The following CDK5RAP1 variants were observed in gnomAD, a reference collection of about 807,000 sequenced individuals.
CDK5RAP1 encodes mitochondrial tRNA methylthiotransferase CDK5RAP1.
A neutral mutation model predicts 64.5 loss-of-function variants in CDK5RAP1; 62 were observed. The ratio of observed to expected loss-of-function variants is 0.96; its 90% CI spans 0.78 to 1.19. CDK5RAP1 has a LOEUF of 1.19. Ranked by LOEUF, CDK5RAP1 falls within the 50% of genes most tolerant of loss-of-function variation. The pLI, the probability that CDK5RAP1 is intolerant of heterozygous loss-of-function variation, is 0.00. For synonymous variants in CDK5RAP1, 250 were observed against 261.9 expected (o/e 0.95, Z 0.44); for missense variants, 657 against 735.0 (o/e 0.89, Z 1.23).
Position 33,394,033 on chromosome 20 carries a change from T to TGATA in CDK5RAP1, c.438_441dup (p.Arg148TyrfsTer6). 1 of 1,593,132 alleles carries TGATA rather than the reference T, an allele frequency of 6.3e-7. No homozygotes were observed. Among genetic ancestry groups the TGATA allele is most frequent in the Non-Finnish European group, 8.6e-7 (1 of 1,160,812 alleles). ...CCTAGGAAAAGAACAAATTCGCACCTGATAGAGCATGTGACAAGGAGAATC... is the reference window on the plus strand; with the variant it reads ...CCTAGGAAAAGAACAAATTCGCACCTGATAGATAGAGCATGTGACAAGGAGAATC... On this transcript the variant is annotated frameshift_variant and splice_region_variant, in exon 4 of 14. Transcript: ENST00000346416. LOFTEE classifies it high-confidence loss of function.
chr20:33,365,683 C>T (rs986429072), intron 12 of CDK5RAP1, among the ~76,000 whole-genome samples: 6 of 150,478 alleles, frequency 4.0e-5, no homozygotes. Context: ...CTCTGCCACA[C>T]ACTAGCTGTG....
At chr20:33,383,299 G>A (rs958399133) in intron 7 of CDK5RAP1, among the ~76,000 whole-genome samples, 5 of 151,382 alleles carry the variant, frequency 3.3e-5, no homozygotes, top group East Asian at 4.0e-4. Flanking sequence ...TTTGAAATAC[G>A]TTTTCAATAA....
At chr20:33,383,895 T>A (rs1321819543) in intron 7 of CDK5RAP1, among the ~76,000 whole-genome samples, 3 of 151,448 alleles carry the variant, frequency 2.0e-5, no homozygotes, top group African/African-American at 4.9e-5. Context: ...CAAAAAAAAA[T>A]AAAAAATAAA....
chr20:33,373,263 G>A lies in CDK5RAP1; in HGVS notation c.1206-566C>T, dbSNP rs996998759. 3.1e-4 allele frequency: 45 copies of A among 147,320 alleles called. 1 individual carries two copies. The Middle Eastern group carries it at 0.011, about 35-fold the overall frequency. The allele number at this position is 147,320 out of a possible 1,614,324, so 9.1% of individuals were successfully genotyped here. A position where few individuals can be genotyped will look rare whatever the true frequency, so the allele number is the denominator to read the frequency against. On this transcript the variant is annotated intron_variant, in intron 9 of 13. Transcript: ENST00000346416. Reference sequence around the variant, plus strand: ...GTGTGTAGGGACTGGGTTTCACCATGTTGCCCAGGTGTGTGTTTGTGTGTG... The same window carrying A: ...GTGTGTAGGGACTGGGTTTCACCATATTGCCCAGGTGTGTGTTTGTGTGTG...
At chr20:33,397,539 G>A (rs1205647104) in intron 1 of CDK5RAP1, among the ~76,000 whole-genome samples, 2 of 152,220 alleles carry the variant, frequency 1.3e-5, no homozygotes, top group African/African-American at 4.8e-5. Flanking sequence ...ATAAAAATCT[G>A]TATGGATGCA....
intron 1 of CDK5RAP1, 149 bp downstream of exon 1, chr20:33,401,279 C>T (rs1989388751): frequency 2.0e-6 from 1 of 510,950 alleles, no homozygotes; most frequent in African/African-American, 2.1e-5. Context: ...GGTACGAACC[C>T]CTACAGCCTG....
chr20:33,384,615 A>T (rs1222011464), intron 7 of CDK5RAP1, among the ~76,000 whole-genome samples: 1 of 152,148 alleles, frequency 6.6e-6, no homozygotes, highest in African/African-American at 2.4e-5. Context: ...GAACTAGAGC[A>T]GGGAGGCCAG....
chr20:33,361,978 AAGGAAG>A (rs1224475987), intron 12 of CDK5RAP1, among the ~76,000 whole-genome samples: 3 of 140,016 alleles, frequency 2.1e-5, no homozygotes, highest in Admixed American at 7.2e-5. Context: ...AAAAAAAAGG[AAGGAAG>A]GGAGAGAGGG....
chr20:33,380,382 T>C (rs565952289), intron 7 of CDK5RAP1, among the ~76,000 whole-genome samples: 36 of 152,184 alleles, frequency 2.4e-4, no homozygotes, highest in African/African-American at 7.7e-4. Context: ...TTTTTACTTT[T>C]GTAGAGATGG....
intron 9 of CDK5RAP1, 43 bp from the exon 10 acceptor site, chr20:33,372,740 C>T (rs748167998): frequency 1.6e-6 from 2 of 1,282,372 alleles, no homozygotes; most frequent in East Asian, 2.3e-5. Flanking sequence ...TAAATCCAAC[C>T]TTTTTAAATG....
intron 7 of CDK5RAP1, among the ~76,000 whole-genome samples, chr20:33,382,030 C>A (rs1374208280): frequency 6.6e-6 from 1 of 152,076 alleles, no homozygotes; most frequent in African/African-American, 2.4e-5. Flanking sequence ...GTAATAGAGA[C>A]AGCAGCTCCC....
chr20:33,398,892 C>CTCCAGCCTGGG (rs1339868655), intron 1 of CDK5RAP1, among the ~76,000 whole-genome samples: 6 of 152,088 alleles, frequency 3.9e-5, no homozygotes, highest in African/African-American at 1.2e-4. Flanking sequence ...CACCACTGCA[C>CTCCAGCCTGGG]TCCAGCCTGG....
At position 33,396,947 on chromosome 20, in the gene CDK5RAP1, T is replaced by C. The variant is rs1288549954; in HGVS notation, c.118A>G (p.Met40Val). Residue 40 changes from methionine (M) to valine (V), a missense_variant, in exon 2 of 14, where the codon ATG becomes GTG. Physicochemically the swap from Met to Val is conservative, Grantham distance 21. Coordinates refer to ENST00000346416, the MANE Select transcript of CDK5RAP1 (RefSeq NM_016408.4). ...CRAHSSLSST[M>V]CPSPERQEDG... Reference sequence around the variant, plus strand: ...TCCTGCCTCTCTGGACTGGGACACATGGTACTAGAGAGACTGCTGTGTGCC... The same window carrying C: ...TCCTGCCTCTCTGGACTGGGACACACGGTACTAGAGAGACTGCTGTGTGCC... 1 of 1,614,124 alleles carries C rather than the reference T, an allele frequency of 6.2e-7. No homozygotes were observed. Among genetic ancestry groups the C allele is most frequent in the Non-Finnish European group, 8.5e-7 (1 of 1,180,004 alleles).
intron 1 of CDK5RAP1, among the ~76,000 whole-genome samples, chr20:33,399,130 C>T (rs1337939266): frequency 6.6e-6 from 1 of 151,214 alleles, no homozygotes; most frequent in Non-Finnish European, 1.5e-5. Context: ...ACTTAGGTGA[C>T]TAAGGTATAG....
chr20:33,380,734 T>C (rs1485613018), intron 7 of CDK5RAP1, among the ~76,000 whole-genome samples: 3 of 152,226 alleles, frequency 2.0e-5, no homozygotes, highest in Non-Finnish European at 2.9e-5. Flanking sequence ...CCAGGTGCAG[T>C]GGCTCCCTCC....
Position 33,379,476 on chromosome 20 carries a change from C to G in CDK5RAP1, c.1092G>C (p.Lys364Asn). The G allele has an allele frequency of 1.9e-6, 3 of 1,612,312 alleles. 1 individual carries two copies. In the South Asian group the frequency reaches 3.3e-5, roughly 18 times the overall value. The change falls in exon 8 of 14, where the codon AAG becomes AAC. Residue 364 changes from lysine (K) to asparagine (N), a missense_variant. By Grantham distance (94) the Lys-to-Asn change is moderately conservative (BLOSUM62 0). Coordinates refer to ENST00000346416, the MANE Select transcript of CDK5RAP1 (RefSeq NM_016408.4). ...TGACGCTCACCTCATCAGGAAAATC[C>G]TTGGGGTGGGGAGAGGTAAAACGGA... ...MRIRFTSPHP[K>N]DFPDEVLQLI...
intron 7 of CDK5RAP1, 36 bp from the exon 8 acceptor site, chr20:33,379,727 T>C: frequency 3.5e-6 from 5 of 1,438,060 alleles, no homozygotes; most frequent in Non-Finnish European, 4.8e-6. Flanking sequence ...TTTTAAAACT[T>C]TTGGGTAGCT....
intron 6 of CDK5RAP1, among the ~76,000 whole-genome samples, chr20:33,386,665 C>T (rs149046456): frequency 4.1e-4 from 62 of 151,454 alleles, no homozygotes; most frequent in African/African-American, 1.2e-3. Context: ...GTATCAAAGA[C>T]GTTCACTGAA....
chr20:33,368,626 A>C (rs1428989922), intron 11 of CDK5RAP1, among the ~76,000 whole-genome samples: 2 of 151,994 alleles, frequency 1.3e-5, no homozygotes, highest in South Asian at 2.1e-4. Flanking sequence ...TAATCCCAGC[A>C]CTTTGGGAGG....
Sources: allele counts gnomAD v4.1 joint callset (sites outside exome capture counted in the v4.1 genomes callset), GRCh38; gene constraint gnomAD v4.1.1; transcripts MANE v1.5; gene names NCBI Gene and HGNC (gene_info 2026-07-23, HGNC 2026-07-21).